XKR4: variants seen among roughly 807,000 people sequenced by gnomAD.
The protein encoded by XKR4 is XK-related protein 4.
A neutral mutation model predicts 53.9 loss-of-function variants in XKR4; 12 were observed. The ratio of observed to expected loss-of-function variants is 0.22; its 90% CI spans 0.14 to 0.36. XKR4 has a LOEUF of 0.36. Ranked by LOEUF, XKR4 falls within the 10% of genes least tolerant of loss-of-function variation. The probability of loss-of-function intolerance (pLI) is 1.00; values close to 1 mark genes in which losing one functional copy is unlikely to be tolerated. For missense variants in XKR4, 799 were observed against 859.5 expected, an observed-to-expected ratio of 0.93 and a Z score of 0.88; for synonymous variants, 354 against 362.4, an observed-to-expected ratio of 0.98 and a Z score of 0.26.
intron 2 of XKR4, among the ~76,000 whole-genome samples, chr8:55,477,852 A>C (rs1169896417): frequency 6.6e-6 from 1 of 152,144 alleles, no homozygotes; most frequent in Non-Finnish European, 1.5e-5. Context: ...GGAAGTTTAG[A>C]GAAAAAAGAA....
At chr8:55,133,374 G>A (rs1585895773) in intron 1 of XKR4, among the ~76,000 whole-genome samples, 1 of 152,220 alleles carries the variant, frequency 6.6e-6, no homozygotes, top group East Asian at 1.9e-4. Flanking sequence ...CAATGCATAA[G>A]ACATGTGAGT....
intron 1 of XKR4, among the ~76,000 whole-genome samples, chr8:55,264,317 T>C (rs1818569734): frequency 6.6e-6 from 1 of 152,238 alleles, no homozygotes; most frequent in Non-Finnish European, 1.5e-5. Context: ...TATTGGTTTA[T>C]TGTTTTTCTT....
At chr8:55,299,294 G>A (rs1316167569) in intron 1 of XKR4, among the ~76,000 whole-genome samples, 1 of 152,174 alleles carries the variant, frequency 6.6e-6, no homozygotes, top group Non-Finnish European at 1.5e-5. Context: ...GGAGCACAAG[G>A]CTGAGAGAAC....
chr8:55,519,267 A>G (rs1806764460), intron 2 of XKR4, among the ~76,000 whole-genome samples: 1 of 152,182 alleles, frequency 6.6e-6, no homozygotes, highest in African/African-American at 2.4e-5. Context: ...TTGATCTTAG[A>G]AGCAAGTTTT....
intron 2 of XKR4, among the ~76,000 whole-genome samples, chr8:55,477,665 T>A (rs545683182): frequency 1.7e-4 from 26 of 151,520 alleles, no homozygotes; most frequent in African/African-American, 5.6e-4. Context: ...TGAAAAAAAA[T>A]TAGATGAATG....
intron 1 of XKR4, among the ~76,000 whole-genome samples, chr8:55,334,511 C>A (rs1803429887): frequency 6.6e-6 from 1 of 152,146 alleles, no homozygotes; most frequent in South Asian, 2.1e-4. Flanking sequence ...AGGCTCAGCA[C>A]TTAGTGTTTT....
intron 1 of XKR4, among the ~76,000 whole-genome samples, chr8:55,129,586 T>G (rs1029289832): frequency 1.3e-5 from 2 of 152,008 alleles, no homozygotes; most frequent in African/African-American, 4.8e-5. Flanking sequence ...AGAGGCCAGA[T>G]TTTTGAGAGT....
intron 2 of XKR4, among the ~76,000 whole-genome samples, chr8:55,490,695 C>T (rs759822886): frequency 2.0e-5 from 3 of 152,108 alleles, no homozygotes; most frequent in African/African-American, 4.8e-5. Context: ...TTCCTGTGTA[C>T]GTGACATGTT....
intron 1 of XKR4, among the ~76,000 whole-genome samples, chr8:55,289,675 AAG>A (rs56044496): frequency 0.034 from 1,558 of 45,276 alleles, 41 homozygotes; most frequent in Middle Eastern, 0.083. Flanking sequence ...AAAGAAAAGA[AAG>A]AGAAAGAAAG....
chr8:55,443,431 A>G (rs1394498382), intron 2 of XKR4, among the ~76,000 whole-genome samples: 1 of 150,244 alleles, frequency 6.7e-6, no homozygotes, highest in Non-Finnish European at 1.5e-5. Context: ...GTCCTGTTCA[A>G]TGATTGAGGT....
At chr8:55,190,484 C>T (rs1217902367) in intron 1 of XKR4, among the ~76,000 whole-genome samples, 1 of 152,178 alleles carries the variant, frequency 6.6e-6, no homozygotes, top group African/African-American at 2.4e-5. Context: ...TAGACCCAGC[C>T]ACTCTTTACA....
chr8:55,141,960 C>T lies in XKR4; in HGVS notation c.806+38666C>T, dbSNP rs145597718. Among the ~76,000 whole-genome samples the T allele has an allele frequency of 3.8e-3, 578 of 152,236 alleles. 4 individuals are homozygous for T. The highest frequency in any genetic ancestry group is 5.6e-3 in the Non-Finnish European group (383 of 68,004). Reference sequence around the variant, plus strand: ...CCTGCAGGGTTCAGAGCAGACCCTTCCCCAGGCCCCGCCTCTCTATTTCCA... The same window carrying T: ...CCTGCAGGGTTCAGAGCAGACCCTTTCCCAGGCCCCGCCTCTCTATTTCCA... On this transcript the variant is annotated intron_variant, in intron 1 of 2. Transcript: ENST00000327381.
chr8:55,410,195 C>T (rs1804754786), intron 2 of XKR4, among the ~76,000 whole-genome samples: 3 of 152,130 alleles, frequency 2.0e-5, no homozygotes, highest in Non-Finnish European at 2.9e-5. Context: ...CTGCATCTCT[C>T]AGACAACACC....
intron 2 of XKR4, among the ~76,000 whole-genome samples, chr8:55,424,139 G>A (rs1291290704): frequency 6.6e-6 from 1 of 152,328 alleles, no homozygotes; most frequent in East Asian, 1.9e-4. Context: ...TCACCTCGGG[G>A]CATTGCCCTG....
chr8:55,290,192 C>T (rs1018598330), intron 1 of XKR4, among the ~76,000 whole-genome samples: 9 of 148,306 alleles, frequency 6.1e-5, no homozygotes, highest in Non-Finnish European at 1.0e-4. Context: ...TGCAGTGGTG[C>T]GATCTTGGCT....
chr8:55,121,562 A>G (rs898097890), intron 1 of XKR4, among the ~76,000 whole-genome samples: 1 of 152,164 alleles, frequency 6.6e-6, no homozygotes, highest in Non-Finnish European at 1.5e-5. Context: ...AAAAATTTAA[A>G]TTACTGTAAA....
In XKR4 at chr8:55,541,231, T is replaced by A. The variant is rs1387422344; in HGVS notation, c.*17004T>A. 6.6e-6 allele frequency: 1 copy of A among 152,234 alleles called. No homozygotes were observed. Among genetic ancestry groups the A allele is most frequent in the East Asian group, 1.9e-4 (1 of 5,196 alleles). The allele number at this position is 152,234 out of a possible 1,614,324, so 9.4% of individuals were successfully genotyped here. On this transcript the variant is annotated 3_prime_UTR_variant, in exon 3 of 3. Transcript: ENST00000327381. ...AAAGCAATTTTCAAAAATTTGTACA[T>A]GATATACACCACCCAACCTCAGGAG...
chr8:55,331,747 A>G (rs1322499592), intron 1 of XKR4, among the ~76,000 whole-genome samples: 3 of 152,116 alleles, frequency 2.0e-5, no homozygotes, highest in African/African-American at 7.2e-5. Flanking sequence ...AATATTTTGT[A>G]TGATATTAGT....
At chr8:55,400,118 T>C (rs1804577150) in intron 2 of XKR4, among the ~76,000 whole-genome samples, 1 of 152,182 alleles carries the variant, frequency 6.6e-6, no homozygotes. Context: ...TAAAGGAGAA[T>C]GAAGAGAACT....
Sources: allele counts gnomAD v4.1 joint callset (sites outside exome capture counted in the v4.1 genomes callset), GRCh38; gene constraint gnomAD v4.1.1; transcripts MANE v1.5; gene names NCBI Gene and HGNC (gene_info 2026-07-23, HGNC 2026-07-21).